The following ROBO2 variants were observed in gnomAD, a reference collection of about 807,000 sequenced individuals.
ROBO2 encodes the protein roundabout homolog 2.
In ROBO2, 53 loss-of-function variants were observed where a neutral mutation model predicts 160.8. The observed-to-expected ratio is 0.33, with a 90% CI of 0.26 to 0.41. The LOEUF is 0.41. ROBO2 is among the 10% of genes least tolerant of loss of function. The pLI is 1.00. For missense variants in ROBO2, 1,577 were observed against 1,722.4 expected (o/e 0.92, Z 1.49); for synonymous variants, 664 against 611.7 (o/e 1.09, Z -1.26).
At chr3:76,977,954 C>T in intron 2 of ROBO2, among the ~76,000 whole-genome samples, 1 of 152,152 alleles carries the variant, frequency 6.6e-6, no homozygotes, top group East Asian at 1.9e-4. Context: ...TGAAGTAATC[C>T]TTACAGATTC....
At chr3:76,905,391 TA>T (rs1215732402) in intron 2 of ROBO2, among the ~76,000 whole-genome samples, 1 of 152,194 alleles carries the variant, frequency 6.6e-6, no homozygotes, top group Non-Finnish European at 1.5e-5. Context: ...CGTGTAGAGT[TA>T]AAGAAGGCTT....
chr3:77,304,980 C>T (rs2062975489), intron 2 of ROBO2, among the ~76,000 whole-genome samples: 1 of 152,196 alleles, frequency 6.6e-6, no homozygotes, highest in South Asian at 2.1e-4. Context: ...ACTTATTTCT[C>T]TTTGGGCTTT....
At chr3:76,254,361 A>G (rs1706224917) in intron 2 of ROBO2, among the ~76,000 whole-genome samples, 1 of 152,092 alleles carries the variant, frequency 6.6e-6, no homozygotes, top group African/African-American at 2.4e-5. Context: ...AGCAAAAGCT[A>G]TTTGATTTCT....
In ROBO2 at chr3:77,200,319, A is replaced by ATTTTTT. The variant is rs1460313061; in HGVS notation, c.388+101980_388+101981insTTTTTT. 6.5e-5 allele frequency among the ~76,000 whole-genome samples: 4 copies of ATTTTTT among 61,562 alleles called. No individual in the cohort carries two copies. In the East Asian group the frequency reaches 1.6e-3, roughly 24 times the overall value. 40.4% of individuals were successfully genotyped at this position (61,562 alleles called of 152,430 possible). On this transcript the variant is annotated intron_variant, in intron 2 of 25. Coordinates refer to ENST00000461745, the Ensembl canonical transcript of ROBO2. Reference sequence around the variant, plus strand: ...TATATATATATATATATATATATATATATTTTAGTTTCTATAGGTAAAGGG... The same window carrying ATTTTTT: ...TATATATATATATATATATATATATATTTTTTTATTTTAGTTTCTATAGGTAAAGGG...
At chr3:77,373,565 G>A (rs914725634) in intron 2 of ROBO2, among the ~76,000 whole-genome samples, 1 of 152,062 alleles carries the variant, frequency 6.6e-6, no homozygotes, top group Admixed American at 6.6e-5. Flanking sequence ...AAAAATAATA[G>A]TGTTAATATC....
At chr3:76,222,765 T>A (rs1704051155) in intron 2 of ROBO2, among the ~76,000 whole-genome samples, 1 of 151,982 alleles carries the variant, frequency 6.6e-6, no homozygotes, top group Non-Finnish European at 1.5e-5. Context: ...CCACACTTTT[T>A]TTTTTTTCAG....
chr3:76,090,384 C>T (rs2069181921), intron 2 of ROBO2, among the ~76,000 whole-genome samples: 1 of 151,962 alleles, frequency 6.6e-6, no homozygotes, highest in African/African-American at 2.4e-5. Context: ...GGAGATCATG[C>T]CACCGCACTC....
intron 2 of ROBO2, among the ~76,000 whole-genome samples, chr3:77,130,021 T>A (rs1361764255): frequency 1.3e-5 from 2 of 152,124 alleles, no homozygotes; most frequent in Non-Finnish European, 2.9e-5. Flanking sequence ...AATTTTTTTT[T>A]ATTATTGCTC....
At chr3:75,940,470 C>T (rs1053090991) in intron 2 of ROBO2, among the ~76,000 whole-genome samples, 1 of 152,056 alleles carries the variant, frequency 6.6e-6, no homozygotes, top group African/African-American at 2.4e-5. Context: ...TTGAGGACAT[C>T]CATTTTCCTA....
rs1167852972 is a variant in ROBO2 at position 76,049,403 on chromosome 3, A to ATTTTTTTTTTTT, written c.109+111811_109+111822dup. On this transcript the variant is annotated intron_variant, in intron 2 of 26. Transcript: ENST00000487694. ...TTTTAGTATATATATATATATATAT[A>ATTTTTTTTTTTT]TTTTTTTTTTTTTTTTTTTTTGTAG... is the stretch of plus-strand genomic sequence containing the variant. 1.6e-3 allele frequency among the ~76,000 whole-genome samples: 87 copies of ATTTTTTTTTTTT among 53,748 alleles called. 5 individuals are homozygous for ATTTTTTTTTTTT. The highest frequency in any genetic ancestry group is 5.5e-3 in the African/African-American group (38 of 6,858). 35.3% of individuals were successfully genotyped at this position (53,748 alleles called of 152,430 possible). A position where few individuals can be genotyped will look rare whatever the true frequency, so the allele number is the denominator to read the frequency against.
At chr3:75,917,101 A>G (rs1946845375) in intron 1 of ROBO2, among the ~76,000 whole-genome samples, 1 of 152,146 alleles carries the variant, frequency 6.6e-6, no homozygotes, top group Admixed American at 6.5e-5. Context: ...TACATGTACC[A>G]TGGTAATTTG....
At chr3:76,293,306 C>T (rs1216437957) in intron 2 of ROBO2, among the ~76,000 whole-genome samples, 8 of 152,162 alleles carry the variant, frequency 5.3e-5, no homozygotes, top group African/African-American at 1.9e-4. Context: ...CAAACATTTT[C>T]ATCAAGGAAC....
chr3:76,884,797 T>C (rs1157757770), intron 2 of ROBO2, among the ~76,000 whole-genome samples: 1 of 152,184 alleles, frequency 6.6e-6, no homozygotes, highest in Non-Finnish European at 1.5e-5. Flanking sequence ...CTGAGGTTAA[T>C]GCTTGTCTAA....
At chr3:76,200,397 T>C (rs1260858034) in intron 2 of ROBO2, among the ~76,000 whole-genome samples, 1 of 152,136 alleles carries the variant, frequency 6.6e-6, no homozygotes, top group Non-Finnish European at 1.5e-5. Flanking sequence ...GGAAATACTT[T>C]TTATAAAAGG....
chr3:76,233,521 C>G (rs1423984516), intron 2 of ROBO2, among the ~76,000 whole-genome samples: 3 of 152,144 alleles, frequency 2.0e-5, no homozygotes. Flanking sequence ...ATAGCATTTA[C>G]TGCACCCTTT....
At chr3:76,802,406 T>C (rs2064271503) in intron 2 of ROBO2, among the ~76,000 whole-genome samples, 1 of 152,128 alleles carries the variant, frequency 6.6e-6, no homozygotes, top group African/African-American at 2.4e-5. Flanking sequence ...ATATTGGAGA[T>C]AATGGGGTCC....
At chr3:76,964,591 C>A (rs1433471952) in intron 2 of ROBO2, among the ~76,000 whole-genome samples, 1 of 152,104 alleles carries the variant, frequency 6.6e-6, no homozygotes, top group East Asian at 1.9e-4. Flanking sequence ...GTGATCCACC[C>A]TCCTCAGTCT....
At position 75,921,590 on chromosome 3, in the gene ROBO2, A is replaced by G. The variant is rs1446152699; in HGVS notation, c.-14+14630A>G. Among the ~76,000 whole-genome samples, 6 of 152,246 alleles carry G rather than the reference A, an allele frequency of 3.9e-5. No homozygotes were observed. The East Asian group carries it at 1.2e-3, about 29-fold the overall frequency. On this transcript the variant is annotated intron_variant, in intron 1 of 26. Coordinates refer to the ROBO2 transcript ENST00000487694. ...AGGTCAGAATCAACAAATATACTAT[A>G]ATGTTTGTAATGCTTTCAATGCAGT...
chr3:77,235,384 G>A (rs796155388), intron 2 of ROBO2, among the ~76,000 whole-genome samples: 73 of 147,186 alleles, frequency 5.0e-4, no homozygotes, highest in African/African-American at 1.7e-3. Context: ...ACGGAGTTTC[G>A]CTCTGTCGCC....
Sources: gnomAD v4.1 joint callset for allele counts (sites outside exome capture counted in the v4.1 genomes callset) on GRCh38, gnomAD v4.1.1 for gene constraint, MANE v1.5 for transcripts, NCBI Gene and HGNC (gene_info 2026-07-23, HGNC 2026-07-21) for gene names.